The following DLGAP4 variants were observed in gnomAD, a reference collection of about 807,000 sequenced individuals.
DLGAP4 encodes the protein DLG associated protein 4.
A neutral mutation model predicts 86.9 loss-of-function variants in DLGAP4; 18 were observed. The ratio of observed to expected loss-of-function variants is 0.21; its 90% confidence interval spans 0.14 to 0.31. The LOEUF (loss-of-function observed/expected upper bound fraction) is 0.31. Among genes scored for constraint, DLGAP4 ranks in the 10% least tolerant of loss-of-function variants. The pLI is 1.00. For missense variants in DLGAP4, 1,085 were observed against 1,362.6 expected (o/e 0.80, Z 3.21); for synonymous variants, 548 against 574.3 (o/e 0.95, Z 0.65).
chr20:36,342,522 A>G (rs1276945842), intron 1 of DLGAP4, among the ~76,000 whole-genome samples: 1 of 152,134 alleles, frequency 6.6e-6, no homozygotes, highest in Non-Finnish European at 1.5e-5. Context: ...ATGCTGATGA[A>G]TGCCTGGGCG....
chr20:36,476,648 A>G (rs1181107583), intron 7 of DLGAP4, among the ~76,000 whole-genome samples: 2 of 125,046 alleles, frequency 1.6e-5, no homozygotes, highest in South Asian at 2.6e-4. Flanking sequence ...CATTCTTTCT[A>G]TGAATTCTAT....
chr20:36,414,084 C>T (rs922349416), intron 2 of DLGAP4, among the ~76,000 whole-genome samples: 2 of 152,172 alleles, frequency 1.3e-5, no homozygotes, highest in Non-Finnish European at 2.9e-5. Context: ...ACAAGAGCCC[C>T]ACACCGTTGG....
chr20:36,378,804 A>G (rs1302535906), intron 2 of DLGAP4, among the ~76,000 whole-genome samples: 1 of 151,982 alleles, frequency 6.6e-6, no homozygotes, highest in Non-Finnish European at 1.5e-5. Flanking sequence ...CCACAGTAGG[A>G]GGGTTCGGGG....
At chr20:36,499,080 C>G in intron 8 of DLGAP4, 3 of 697,780 alleles carry the variant, frequency 4.3e-6, no homozygotes, top group Non-Finnish European at 7.1e-6. Flanking sequence ...CGCCTCTGGC[C>G]TGCCCTCCAG....
chr20:36,425,755 A>G (rs893404685), intron 2 of DLGAP4, among the ~76,000 whole-genome samples: 2 of 152,182 alleles, frequency 1.3e-5, no homozygotes, highest in African/African-American at 4.8e-5. Flanking sequence ...CAGGAGGCGG[A>G]GGTTGCAGTG....
chr20:36,499,533 G>T, intron 8 of DLGAP4, 55 bp from the exon 9 acceptor site: 4 of 1,561,568 alleles, frequency 2.6e-6, no homozygotes, highest in Admixed American at 1.8e-5. Context: ...TGTGGTGTTT[G>T]TTTTTTATTT....
chr20:36,525,826 CCACT>C, intron 11 of DLGAP4, 21 bp from the exon 12 acceptor site: 1 of 1,610,870 alleles, frequency 6.2e-7, no homozygotes, highest in Admixed American at 1.7e-5. Context: ...TGAGCTGGCC[CCACT>C]GATCCCCATC....
intron 1 of DLGAP4, among the ~76,000 whole-genome samples, chr20:36,316,347 G>T (rs980250339): frequency 6.6e-6 from 1 of 150,378 alleles, no homozygotes; most frequent in Non-Finnish European, 1.5e-5. Context: ...CCCACCCGCA[G>T]CTCACCTGAA....
At chr20:36,395,848 C>T (rs917200115) in intron 2 of DLGAP4, among the ~76,000 whole-genome samples, 6 of 152,144 alleles carry the variant, frequency 3.9e-5, no homozygotes, top group African/African-American at 9.7e-5. Flanking sequence ...GATGGTCACA[C>T]ATATTTGATC....
At chr20:36,343,051 C>G (rs936341651) in intron 1 of DLGAP4, among the ~76,000 whole-genome samples, 1 of 152,046 alleles carries the variant, frequency 6.6e-6, no homozygotes, top group Non-Finnish European at 1.5e-5. Flanking sequence ...TAGAGAGGAG[C>G]GGGGACTGCT....
At chr20:36,462,385 T>TC in intron 7 of DLGAP4, 2 of 1,321,878 alleles carry the variant, frequency 1.5e-6, no homozygotes, top group South Asian at 2.0e-5. Flanking sequence ...CTCGGTGGTC[T>TC]CGCCACTCTG....
At position 36,371,755 on chromosome 20, in the gene DLGAP4, G is replaced by GT. The variant is rs888804134; in HGVS notation, c.-73+4491dup. On this transcript the variant is annotated intron_variant, in intron 2 of 12. Coordinates refer to ENST00000339266, the MANE Select transcript of DLGAP4 (RefSeq NM_001365621.2). Reference sequence around the variant, plus strand: ...TTCATAGTGTGTCGTAGAGGTTTTTGTTTTTTTTTTTAAAAAGAGGTTATA... The same window carrying GT: ...TTCATAGTGTGTCGTAGAGGTTTTTGTTTTTTTTTTTTAAAAAGAGGTTATA... Among the ~76,000 whole-genome samples, 103 of 146,766 alleles carry GT rather than the reference G, an allele frequency of 7.0e-4. No homozygotes were observed. The Middle Eastern group carries it at 0.011, about 15-fold the overall frequency.
At chr20:36,329,781 C>G (rs1277254971) in intron 1 of DLGAP4, among the ~76,000 whole-genome samples, 1 of 152,002 alleles carries the variant, frequency 6.6e-6, no homozygotes, top group Non-Finnish European at 1.5e-5. Context: ...GCCTGTAATC[C>G]CAGCACTTTG....
At chr20:36,497,460 C>T (rs574402186) in intron 8 of DLGAP4, 20 of 1,044,230 alleles carry the variant, frequency 1.9e-5, no homozygotes, top group South Asian at 3.5e-5. Context: ...AGCTCGGGTG[C>T]GGAGGCCATA....
intron 7 of DLGAP4, chr20:36,462,333 C>T: frequency 1.5e-6 from 2 of 1,360,620 alleles, no homozygotes; most frequent in Non-Finnish European, 1.9e-6. Flanking sequence ...GATCGGGGTC[C>T]CCTGCTTTGC....
chr20:36,503,731 G>A (rs1448503978), intron 10 of DLGAP4, among the ~76,000 whole-genome samples: 10 of 151,974 alleles, frequency 6.6e-5, no homozygotes, highest in South Asian at 6.2e-4. Context: ...CTCATGATCC[G>A]CCCACCTCAG....
intron 2 of DLGAP4, among the ~76,000 whole-genome samples, chr20:36,404,453 C>T (rs969257926): frequency 5.3e-5 from 8 of 152,164 alleles, no homozygotes; most frequent in Admixed American, 1.3e-4. Context: ...ACTAGACCAC[C>T]TCATTGTAAA....
At chr20:36,356,413 G>A (rs941877906) in intron 1 of DLGAP4, among the ~76,000 whole-genome samples, 1 of 152,206 alleles carries the variant, frequency 6.6e-6, no homozygotes, top group Admixed American at 6.5e-5. Flanking sequence ...CTGGGTTCAA[G>A]CAATTCTCCT....
At chr20:36,411,867 T>C (rs944168425) in intron 2 of DLGAP4, among the ~76,000 whole-genome samples, 3 of 152,196 alleles carry the variant, frequency 2.0e-5, no homozygotes, top group Non-Finnish European at 2.9e-5. Flanking sequence ...GAAACGCTCT[T>C]CCCTGTACCT....
Sources: gnomAD v4.1 joint callset for allele counts (sites outside exome capture counted in the v4.1 genomes callset) on GRCh38, gnomAD v4.1.1 for gene constraint, MANE v1.5 for transcripts, NCBI Gene and HGNC (gene_info 2026-07-23, HGNC 2026-07-21) for gene names.